The following P4HA2 variants were observed in gnomAD, a reference collection of about 807,000 sequenced individuals.
P4HA2 encodes the protein prolyl 4-hydroxylase subunit alpha-2.
A neutral mutation model predicts 76.9 loss-of-function variants in P4HA2; 46 were observed. The observed-to-expected ratio is 0.60, with a 90% CI of 0.47 to 0.76. The LOEUF is 0.76. Ranked by LOEUF, P4HA2 falls within the 30% of genes least tolerant of loss-of-function variation. The pLI is 0.00. For missense variants in P4HA2, 583 were observed against 669.4 expected, an observed-to-expected ratio of 0.87 and a Z score of 1.42; for synonymous variants, 243 against 254.0, an observed-to-expected ratio of 0.96 and a Z score of 0.41.
intron 6 of P4HA2, 98 bp from the exon 7 acceptor site, chr5:132,209,429 A>C: frequency 5.1e-6 from 5 of 971,750 alleles, no homozygotes; most frequent in Non-Finnish European, 6.3e-6. Flanking sequence ...CCAGCAGCTC[A>C]CCTGCATGCT....
At chr5:132,198,735 A>C (rs1561466701) in intron 11 of P4HA2, 144 bp downstream of exon 11, 2 of 665,196 alleles carry the variant, frequency 3.0e-6, no homozygotes, top group Admixed American at 5.0e-5. Context: ...CCAGTAACGA[A>C]GAGTTTCCCC....
chr5:132,203,682 C>A (rs1223413034), intron 10 of P4HA2, 66 bp downstream of exon 10: 1 of 989,800 alleles, frequency 1.0e-6, no homozygotes, highest in East Asian at 2.5e-5. Flanking sequence ...TTCTGGACAC[C>A]CTGTGAGACC....
chr5:132,218,455 C>G, intron 2 of P4HA2, 90 bp downstream of exon 2: 1 of 871,000 alleles, frequency 1.1e-6, no homozygotes, highest in Non-Finnish European at 1.9e-6. Context: ...TTAAGGCTAT[C>G]CCACTCTAAA....
chr5:132,202,252 A>T (rs2126556306), intron 10 of P4HA2: 1 of 152,340 alleles, frequency 6.6e-6, no homozygotes, highest in Non-Finnish European at 1.5e-5. Context: ...TTTGCAAGGT[A>T]ATCAGTATGC....
At chr5:132,197,754 C>T (rs1021888784) in intron 12 of P4HA2, among the ~76,000 whole-genome samples, 2 of 151,896 alleles carry the variant, frequency 1.3e-5, no homozygotes. Context: ...AAAATCACAG[C>T]GACAGAAAGC....
At chr5:132,205,892 G>A (rs916951416) in intron 8 of P4HA2, among the ~76,000 whole-genome samples, 1 of 152,178 alleles carries the variant, frequency 6.6e-6, no homozygotes, top group Non-Finnish European at 1.5e-5. Context: ...TGCCCCAGGG[G>A]AAGCACAGGG....
intron 8 of P4HA2, among the ~76,000 whole-genome samples, chr5:132,206,898 A>G (rs182521813): frequency 6.6e-6 from 1 of 152,342 alleles, no homozygotes; most frequent in Admixed American, 6.5e-5. Context: ...AAAAACCAAA[A>G]AAGAAATAAG....
chr5:132,195,516 C>A lies in P4HA2; in HGVS notation c.1366-36G>T, dbSNP rs751454983. The stretch of plus-strand genomic sequence containing the variant: ...AAGACATAGAGCTTGACCCTCCTAC[C>A]CAAGGCTCTCAGAGCAATTGAGCCA... On this transcript the variant is annotated intron_variant, in intron 12 of 14. Transcript: ENST00000360568. 4 of 1,517,804 alleles carry A rather than the reference C, an allele frequency of 2.6e-6. No homozygotes were observed. The South Asian group carries it at 4.5e-5, about 17-fold the overall frequency. The allele number at this position is 1,517,804 out of a possible 1,614,324, so 94.0% of individuals were successfully genotyped here. A position where few individuals can be genotyped will look rare whatever the true frequency, so the allele number is the denominator to read the frequency against.
rs547780403 is a variant in P4HA2, at chr5:132,213,224, C to T, written c.469+692G>A. Among the ~76,000 whole-genome samples the T allele has an allele frequency of 3.3e-4, 50 of 152,256 alleles. No homozygotes were observed. In the South Asian group the frequency reaches 8.5e-3, roughly 26 times the overall value. ...AAGAACATTATGTGTGAACCTTGTT[C>T]GCTGGGTTTACCAGCCAAGCGGCCA... On this transcript the variant is annotated intron_variant, in intron 5 of 14. Transcript: ENST00000360568.
chr5:132,201,096 C>T (rs1453772556), intron 10 of P4HA2: 1 of 152,088 alleles, frequency 6.6e-6, no homozygotes, highest in African/African-American at 2.4e-5. Flanking sequence ...AATCTTTAGA[C>T]TTACTATTGT....
At chr5:132,217,547 G>C (rs1754086539) in intron 3 of P4HA2, 199 bp from the exon 4 acceptor site, 4 of 638,784 alleles carry the variant, frequency 6.3e-6, no homozygotes, top group Non-Finnish European at 1.1e-5. Flanking sequence ...CCCAATGTAA[G>C]GGAAAAGGTC....
chr5:132,209,354 A>G (rs572771939), intron 6 of P4HA2, 23 bp from the exon 7 acceptor site: 1 of 1,586,646 alleles, frequency 6.3e-7, no homozygotes, highest in Non-Finnish European at 8.6e-7. Flanking sequence ...AGGAATGAGA[A>G]GGAAAAGGAA....
At chr5:132,210,551 C>G (rs1752938704) in intron 5 of P4HA2, 28 bp from the exon 6 acceptor site, 1 of 1,613,038 alleles carries the variant, frequency 6.2e-7, no homozygotes, top group East Asian at 2.2e-5. Context: ...AATTGTCAGG[C>G]TCCAAAGAGC....
intron 10 of P4HA2, chr5:132,201,499 G>A (rs1294162390): frequency 6.6e-6 from 1 of 152,190 alleles, no homozygotes; most frequent in Non-Finnish European, 1.5e-5. Flanking sequence ...AGCACTTAGG[G>A]ATACATGCTG....
intron 1 of P4HA2, among the ~76,000 whole-genome samples, chr5:132,225,141 G>T (rs879775678): frequency 4.0e-5 from 6 of 150,706 alleles, no homozygotes; most frequent in Non-Finnish European, 8.8e-5. Flanking sequence ...AGCCCTCTTT[G>T]CTCTAGGACA....
rs187392465 is a variant in P4HA2, at chr5:132,207,608, A to C, written c.1080+100T>G. ...GTAGGCCCATGCTAGATATGGATAA[A>C]GGGTGGCTAGATGGGCAAACCAACC... On this transcript the variant is annotated intron_variant, in intron 8 of 14. Coordinates refer to ENST00000360568, the MANE Select transcript of P4HA2 (RefSeq NM_001017974.2). 4,045 of 925,650 alleles carry C rather than the reference A, an allele frequency of 4.4e-3. 15 individuals are homozygous for C. Among genetic ancestry groups the C allele is most frequent in the Middle Eastern group, 9.3e-3 (42 of 4,540 alleles). 57.3% of individuals were successfully genotyped at this position (925,650 alleles called of 1,614,324 possible). A position where few individuals can be genotyped will look rare whatever the true frequency, so the allele number is the denominator to read the frequency against.
rs1221094574 is a variant in P4HA2, at chr5:132,204,973, C to A, written c.1081-821G>T. Among the ~76,000 whole-genome samples the A allele has an allele frequency of 2.0e-5, 3 of 152,242 alleles. No homozygotes were observed. In the East Asian group the frequency reaches 5.8e-4, roughly 29 times the overall value. ...CTTCAGCTGTGGACTGTCCTCATGA[C>A]CTCACATGGGTGGGGCCATAGGCCC... On this transcript the variant is annotated intron_variant, in intron 8 of 14. Coordinates refer to ENST00000360568, the MANE Select transcript of P4HA2 (RefSeq NM_001017974.2).
In P4HA2 at chr5:132,190,370, T is replaced by A. The variant is rs1749803416; in HGVS notation, c.*2640A>T. Reference sequence around the variant, plus strand: ...ACATTTCCCAGATTCCCTTATCAGCTGGCTTCCTGTTAGGGTCTACCAATG... The same window carrying A: ...ACATTTCCCAGATTCCCTTATCAGCAGGCTTCCTGTTAGGGTCTACCAATG... On this transcript the variant is annotated 3_prime_UTR_variant, in exon 15 of 15. Transcript: ENST00000360568. Among the ~76,000 whole-genome samples the A allele has an allele frequency of 6.6e-6, 1 of 152,212 alleles. No homozygotes were observed. The highest frequency in any genetic ancestry group is 6.5e-5 in the Admixed American group (1 of 15,274).
chr5:132,205,182 G>T (rs128738), intron 8 of P4HA2, among the ~76,000 whole-genome samples: 27,781 of 152,212 alleles, frequency 0.18, 2,603 homozygotes, highest in East Asian at 0.3. Flanking sequence ...TTACCATCCT[G>T]TGGAAGCTCA....
Sources: gnomAD v4.1 joint callset for allele counts (sites outside exome capture counted in the v4.1 genomes callset) on GRCh38, gnomAD v4.1.1 for gene constraint, MANE v1.5 for transcripts, NCBI Gene and HGNC (gene_info 2026-07-23, HGNC 2026-07-21) for gene names.